GUCY2F: variants seen among roughly 807,000 people sequenced by gnomAD.
GUCY2F encodes guanylate cyclase 2F, retinal.
GUCY2F carries 61 observed loss-of-function variants against 73.1 expected under a neutral mutation model. The observed-to-expected ratio is 0.83, with a 90% CI of 0.68 to 1.03. The LOEUF (loss-of-function observed/expected upper bound fraction) is 1.03. Among genes scored for constraint, GUCY2F ranks in the 50% least tolerant of loss-of-function variants. The probability of loss-of-function intolerance (pLI) is 0.00; values close to 1 mark genes in which losing one functional copy is unlikely to be tolerated. For synonymous variants in GUCY2F, 331 were observed against 307.8 expected, an observed-to-expected ratio of 1.08 and a Z score of -0.79; for missense variants, 912 against 854.3, an observed-to-expected ratio of 1.07 and a Z score of -0.84.
intron 2 of GUCY2F, among the ~76,000 whole-genome samples, chrX:109,466,322 G>A (rs193149962): frequency 1.4e-3 from 152 of 111,272 alleles, no homozygotes; most frequent in Middle Eastern, 4.7e-3. Context: ...GGAGCATTTC[G>A]GATTTCAGAT....
chrX:109,437,094 T>C (rs1931770167), intron 7 of GUCY2F, among the ~76,000 whole-genome samples: 3 of 111,404 alleles, frequency 2.7e-5, no homozygotes, highest in African/African-American at 9.8e-5. Context: ...GACACACTAC[T>C]TCTTTGTTTC....
chrX:109,389,741 A>G (rs1372478463), intron 14 of GUCY2F, among the ~76,000 whole-genome samples: 1 of 111,581 alleles, frequency 9.0e-6, no homozygotes, highest in Non-Finnish European at 1.9e-5. Flanking sequence ...TCAAGCTATC[A>G]CCATCATCAT....
At chrX:109,455,023 GCAGATAGCAAGA>G (rs1336297918) in intron 3 of GUCY2F, among the ~76,000 whole-genome samples, 1 of 111,855 alleles carries the variant, frequency 8.9e-6, no homozygotes, top group Non-Finnish European at 1.9e-5. Context: ...GAGAGGTGTA[GCAGATAGCAAGA>G]CACTGCCATG....
intron 7 of GUCY2F, among the ~76,000 whole-genome samples, chrX:109,433,490 G>A (rs1023864326): frequency 2.7e-5 from 3 of 111,882 alleles, no homozygotes; most frequent in African/African-American, 9.8e-5. Context: ...CTTTGGTTTG[G>A]GAGATTTGTG....
intron 16 of GUCY2F, among the ~76,000 whole-genome samples, chrX:109,384,925 G>A (rs1297420748): frequency 9.0e-6 from 1 of 111,527 alleles, no homozygotes; most frequent in Non-Finnish European, 1.9e-5. Flanking sequence ...AAATTGAGTG[G>A]CTGTTTTGGT....
intron 2 of GUCY2F, among the ~76,000 whole-genome samples, chrX:109,470,732 AG>A (rs1159708723): frequency 9.0e-6 from 1 of 111,472 alleles, no homozygotes; most frequent in African/African-American, 3.3e-5. Context: ...GAAACTCAGG[AG>A]GAGGAACCCA....
intron 10 of GUCY2F, among the ~76,000 whole-genome samples, chrX:109,400,858 A>G (rs2042937766): frequency 8.9e-6 from 1 of 112,511 alleles, no homozygotes; most frequent in African/African-American, 3.2e-5. Flanking sequence ...GAATACATTT[A>G]TAGTTGCGGG....
chrX:109,436,793 G>A (rs1448014003), intron 7 of GUCY2F, among the ~76,000 whole-genome samples: 1 of 108,583 alleles, frequency 9.2e-6, no homozygotes, highest in Non-Finnish European at 1.9e-5. Flanking sequence ...TGTGGGGTGG[G>A]GGGAGTGGGG....
At chrX:109,452,218 C>T in intron 4 of GUCY2F, 111 bp from the exon 5 acceptor site, 1 of 513,142 alleles carries the variant, frequency 1.9e-6, no homozygotes, top group Non-Finnish European at 3.4e-6. Flanking sequence ...TATCAAGCCA[C>T]ATCTACCTAA....
At chrX:109,388,453 A>G in intron 15 of GUCY2F, 36 bp downstream of exon 15, 2 of 1,068,038 alleles carry the variant, frequency 1.9e-6, no homozygotes, top group African/African-American at 1.8e-5. Flanking sequence ...CTAGAGGCGC[A>G]TTAGAATGTT....
chrX:109,474,889 A>G (rs1038861628), intron 2 of GUCY2F, among the ~76,000 whole-genome samples: 2 of 112,056 alleles, frequency 1.8e-5, no homozygotes, highest in African/African-American at 6.5e-5. Context: ...TTTCGAAGCT[A>G]CCAAGGTCCT....
chrX:109,405,608 T>C (rs1930954321), intron 9 of GUCY2F, among the ~76,000 whole-genome samples: 3 of 112,023 alleles, frequency 2.7e-5, no homozygotes, highest in Admixed American at 1.9e-4. Flanking sequence ...CCTTTGTACT[T>C]GGAATTCTTT....
intron 12 of GUCY2F, among the ~76,000 whole-genome samples, chrX:109,393,616 G>A (rs943292377): frequency 6.3e-5 from 7 of 111,658 alleles, no homozygotes; most frequent in African/African-American, 1.3e-4. Flanking sequence ...GAATAGTGGT[G>A]TCCTCTAGCA....
intron 3 of GUCY2F, among the ~76,000 whole-genome samples, chrX:109,456,052 T>C (rs1378390160): frequency 8.9e-6 from 1 of 112,188 alleles, no homozygotes; most frequent in Admixed American, 9.5e-5. Context: ...TCCAGAGGGT[T>C]TTATTCCAAT....
Position 109,475,479 on chromosome X carries a change from T to C in GUCY2F, c.458A>G (p.Asn153Ser). 1 of 1,211,283 alleles carries C rather than the reference T, an allele frequency of 8.3e-7. No individual in the cohort carries two copies. Among genetic ancestry groups the C allele is most frequent in the African/African-American group, 1.7e-5 (1 of 57,734 alleles). The part of the protein sequence containing the change: ...DKGIFSWACV[N>S]YELDNKISYP... ...GCTAATTTTATTGTCTAATTCATAA[T>C]TCACACAAGCCCAAGAGAAAATTCC... The change falls in exon 2 of 20, where the codon AAT (asparagine) becomes AGT (serine). Residue 153 changes from asparagine (N) to serine (S), a missense_variant. Transcript: ENST00000218006.
chrX:109,444,954 T>C (rs753946817), intron 6 of GUCY2F, among the ~76,000 whole-genome samples: 10 of 111,847 alleles, frequency 8.9e-5, no homozygotes, highest in African/African-American at 3.2e-4. Flanking sequence ...AACCCTATCA[T>C]TCCTTCATTG....
intron 11 of GUCY2F, among the ~76,000 whole-genome samples, chrX:109,397,979 G>A (rs933353438): frequency 1.8e-5 from 2 of 111,438 alleles, no homozygotes; most frequent in Non-Finnish European, 3.8e-5. Context: ...TTAAGGTGGT[G>A]TCTACAGGAT....
chrX:109,395,977 C>T (rs1012266381), intron 11 of GUCY2F, among the ~76,000 whole-genome samples: 36 of 112,322 alleles, frequency 3.2e-4, no homozygotes, highest in African/African-American at 9.7e-4. Flanking sequence ...TCCTGGTTGA[C>T]GGTCCATGAA....
chrX:109,406,003 T>C (rs1930964423), intron 9 of GUCY2F, among the ~76,000 whole-genome samples: 1 of 111,729 alleles, frequency 9.0e-6, no homozygotes, highest in South Asian at 3.8e-4. Context: ...TGTCTTTCCC[T>C]TTCAAGGCCC....
Sources: allele counts gnomAD v4.1 joint callset (sites outside exome capture counted in the v4.1 genomes callset), GRCh38; gene constraint gnomAD v4.1.1; transcripts MANE v1.5; gene names NCBI Gene and HGNC (gene_info 2026-07-23, HGNC 2026-07-21).